Variants in ANKRD13A observed in about 807,000 individuals in gnomAD.
The protein encoded by ANKRD13A is ankyrin repeat domain 13A.
ANKRD13A carries 48 observed loss-of-function variants against 81.3 expected under a neutral mutation model. The ratio of observed to expected loss-of-function variants is 0.59; its 90% CI spans 0.47 to 0.75. The LOEUF is 0.75. Ranked by LOEUF, ANKRD13A falls within the 30% of genes least tolerant of loss-of-function variation. The pLI, the probability that ANKRD13A is intolerant of heterozygous loss-of-function variation, is 0.00. For missense variants in ANKRD13A, 612 were observed against 734.0 expected (o/e 0.83, Z 1.92); for synonymous variants, 230 against 270.1 (o/e 0.85, Z 1.45).
At chr12:110,028,198 G>T (rs1891456773) in intron 9 of ANKRD13A, 2 of 330,294 alleles carry the variant, frequency 6.1e-6, no homozygotes, top group Non-Finnish European at 1.1e-5. Context: ...CAGGGAAACA[G>T]CTAGAACTTC....
At chr12:110,025,908 G>A in intron 8 of ANKRD13A, 85 bp downstream of exon 8, 1 of 1,184,244 alleles carries the variant, frequency 8.4e-7, no homozygotes, top group Non-Finnish European at 1.2e-6. Flanking sequence ...GTTAAGTTTA[G>A]GGTTAATGTG....
chr12:110,002,668 G>A (rs191001980), intron 1 of ANKRD13A, among the ~76,000 whole-genome samples: 2 of 152,168 alleles, frequency 1.3e-5, no homozygotes, highest in Non-Finnish European at 2.9e-5. Flanking sequence ...TAAAGTGGCT[G>A]TTTCCCTTAA....
chr12:110,002,610 C>T (rs1033398137), intron 1 of ANKRD13A, among the ~76,000 whole-genome samples: 6 of 152,034 alleles, frequency 3.9e-5, no homozygotes, highest in Non-Finnish European at 7.4e-5. Context: ...AGCGAGGCTC[C>T]GACTCAAAAA....
chr12:110,025,313 G>A (rs1054422672), intron 7 of ANKRD13A, among the ~76,000 whole-genome samples: 1 of 148,994 alleles, frequency 6.7e-6, no homozygotes, highest in African/African-American at 2.5e-5. Context: ...CAGAGATCAC[G>A]CCACTGCACT....
intron 12 of ANKRD13A, chr12:110,032,377 A>G (rs1891743276): frequency 6.6e-6 from 1 of 152,220 alleles, no homozygotes; most frequent in Non-Finnish European, 1.5e-5. Flanking sequence ...ATTTTAATGT[A>G]TATAAATTAA....
At position 109,999,541 on chromosome 12, in the gene ANKRD13A, C is replaced by A. The variant is rs1889827126; in HGVS notation, c.-148C>A. 3 of 492,976 alleles carry A rather than the reference C, an allele frequency of 6.1e-6. No individual in the cohort carries two copies. Among genetic ancestry groups the A allele is most frequent in the South Asian group, 8.0e-5 (1 of 12,506 alleles). The allele number at this position is 492,976 out of a possible 1,614,324, so 30.5% of individuals were successfully genotyped here. A position where few individuals can be genotyped will look rare whatever the true frequency, so the allele number is the denominator to read the frequency against. On this transcript the variant is annotated 5_prime_UTR_variant, in exon 1 of 15. Transcript: ENST00000261739. The surrounding 1 kb of genome is among the most constrained non-coding windows in gnomAD (Gnocchi z 4.3). The stretch of plus-strand genomic sequence containing the variant: ...GCGACCCCGGACCTCCCGCGCGCCC[C>A]GCACCCGACCGGCTCAGCCGGCCGG...
chr12:110,025,892 G>C (rs1358511100), intron 8 of ANKRD13A, 69 bp downstream of exon 8: 8 of 1,375,084 alleles, frequency 5.8e-6, no homozygotes, highest in Middle Eastern at 1.8e-4. Context: ...ACTCTTTGTT[G>C]GCTCTGTTAA....
chr12:110,001,003 C>T (rs1482174539), intron 1 of ANKRD13A, among the ~76,000 whole-genome samples: 1 of 151,622 alleles, frequency 6.6e-6, no homozygotes. Flanking sequence ...GTGATCCGCC[C>T]GCCTCAGCCT....
chr12:110,017,258 A>T (rs2137120851), intron 4 of ANKRD13A, among the ~76,000 whole-genome samples: 1 of 152,284 alleles, frequency 6.6e-6, no homozygotes, highest in Non-Finnish European at 1.5e-5. Context: ...GATTTACCAT[A>T]ATTTACTAAT....
At chr12:110,007,692 A>G (rs11064702) in intron 1 of ANKRD13A, among the ~76,000 whole-genome samples, 10,722 of 151,964 alleles carry the variant, frequency 0.071, 622 homozygotes, top group African/African-American at 0.15. Context: ...TTCTTCTTTA[A>G]TTTTTTTTAA....
At chr12:110,034,100 C>A in intron 13 of ANKRD13A, 143 bp downstream of exon 13, 1 of 854,954 alleles carries the variant, frequency 1.2e-6, no homozygotes, top group Non-Finnish European at 1.6e-6. Context: ...ATACTTTGTG[C>A]ATCTGGTCTT....
intron 13 of ANKRD13A, among the ~76,000 whole-genome samples, chr12:110,035,119 G>A (rs1891948127): frequency 6.6e-6 from 1 of 152,150 alleles, no homozygotes; most frequent in African/African-American, 2.4e-5. Flanking sequence ...CCCTTTGGGA[G>A]GCATCCTGGG....
chr12:110,013,042 T>C, intron 2 of ANKRD13A, 83 bp from the exon 3 acceptor site: 1 of 1,480,922 alleles, frequency 6.8e-7, no homozygotes, highest in Non-Finnish European at 9.3e-7. Context: ...AAAATACTGG[T>C]CTTTGATCTA....
In ANKRD13A at chr12:110,002,446, G is replaced by A. The variant is rs537182726; in HGVS notation, c.96+2662G>A. The stretch of plus-strand genomic sequence containing the variant: ...AGCCTGACCAACACGGTGAAACCCC[G>A]TCTCTACTAAAAATACAAAAATAGC... On this transcript the variant is annotated intron_variant, in intron 1 of 14. Transcript: ENST00000261739. Among the ~76,000 whole-genome samples, 8 of 152,162 alleles carry A rather than the reference G, an allele frequency of 5.3e-5. No homozygotes were observed. The East Asian group carries it at 9.7e-4, about 18-fold the overall frequency.
In ANKRD13A at chr12:109,999,825, C is replaced by T. The variant is rs1402518996; in HGVS notation, c.96+41C>T. On this transcript the variant is annotated intron_variant, in intron 1 of 14. Coordinates refer to ENST00000261739, the MANE Select transcript of ANKRD13A (RefSeq NM_033121.2). This position sits in a 1 kb window ranked among gnomAD's most constrained non-coding sequence, Gnocchi z 4.3. ...GGGGTCCGTCTCCCGGTGGGGACTT[C>T]GGGGAATCGGGGGTCGTTTCGCCTC... 1.2e-5 allele frequency: 17 copies of T among 1,475,554 alleles called. No individual in the cohort carries two copies. The highest frequency in any genetic ancestry group is 1.5e-5 in the Non-Finnish European group (16 of 1,102,822). The allele number at this position is 1,475,554 out of a possible 1,614,324, so 91.4% of individuals were successfully genotyped here. A position where few individuals can be genotyped will look rare whatever the true frequency, so the allele number is the denominator to read the frequency against.
chr12:110,016,416 G>A lies in ANKRD13A; in HGVS notation c.383G>A (p.Trp128Ter). 2 of 1,594,152 alleles carry A rather than the reference G, an allele frequency of 1.3e-6. No individual in the cohort carries two copies. The highest frequency in any genetic ancestry group is 1.7e-6 in the Non-Finnish European group (2 of 1,166,418). Reference sequence around the variant, plus strand: ...CCGGATTTCTATGTGCAGATGAAATGGGAATTCACCAGCTGGGGTGAGTGG... The same window carrying A: ...CCGGATTTCTATGTGCAGATGAAATAGGAATTCACCAGCTGGGGTGAGTGG... ...EAPDFYVQMK[W>*]EFTSWVPLVS... Residue 128 changes from tryptophan to a stop codon, truncating the protein, a stop_gained, in exon 4 of 15, where the codon TGG becomes TAG. Transcript: ENST00000261739. LOFTEE classifies it high-confidence loss of function.
intron 6 of ANKRD13A, among the ~76,000 whole-genome samples, chr12:110,022,899 A>T (rs1270860187): frequency 6.6e-6 from 1 of 152,206 alleles, no homozygotes; most frequent in African/African-American, 2.4e-5. Context: ...TCCTAATTGT[A>T]GACAACTAGT....
intron 1 of ANKRD13A, among the ~76,000 whole-genome samples, chr12:110,000,834 T>G (rs1026529984): frequency 2.0e-5 from 3 of 149,094 alleles, no homozygotes; most frequent in African/African-American, 2.5e-5. Context: ...CTCGGCTCAC[T>G]GCAACCTCCG....
At chr12:110,000,117 G>C (rs1889874355) in intron 1 of ANKRD13A, among the ~76,000 whole-genome samples, 1 of 152,192 alleles carries the variant, frequency 6.6e-6, no homozygotes, top group African/African-American at 2.4e-5. Context: ...ATTTTAACTC[G>C]GGCCGGCTGG....
Sources: gnomAD v4.1 joint callset for allele counts (sites outside exome capture counted in the v4.1 genomes callset) on GRCh38, gnomAD v4.1.1 for gene constraint, Gnocchi (gnomAD v3.1) non-coding constraint, MANE v1.5 for transcripts, NCBI Gene and HGNC (gene_info 2026-07-23, HGNC 2026-07-21) for gene names.